The following PDE1C variants were observed in gnomAD, a reference collection of about 807,000 sequenced individuals.
PDE1C encodes phosphodiesterase 1C, also known as dual specificity calcium/calmodulin-dependent 3',5'-cyclic nucleotide phosphodiesterase 1C.
PDE1C carries 62 observed loss-of-function variants against 93.1 expected under a neutral mutation model. That is an observed-to-expected ratio of 0.67 (90% CI 0.54 to 0.82). PDE1C has a LOEUF of 0.82. PDE1C is among the 40% of genes least tolerant of loss of function. The pLI, the probability that PDE1C is intolerant of heterozygous loss-of-function variation, is 0.00. For synonymous variants in PDE1C, 325 were observed against 310.1 expected (o/e 1.05, Z -0.50); for missense variants, 742 against 884.6 (o/e 0.84, Z 2.04).
At chr7:32,319,106 G>A (rs531456961) in intron 1 of PDE1C, among the ~76,000 whole-genome samples, 137 of 152,330 alleles carry the variant, frequency 9.0e-4, no homozygotes, top group Non-Finnish European at 1.7e-3. Flanking sequence ...GCCGTCACCC[G>A]GGAGCTGCAG....
rs145493270 is a variant in PDE1C at position 31,975,829 on chromosome 7, T to C, written c.128+75725A>G. On this transcript the variant is annotated intron_variant, in intron 2 of 17. Transcript: ENST00000396191. ...TCACTTCCTTACTTAGGTTGTTGGTTCGATAATTGATATTACTGAATACCA... is the reference window on the plus strand; with the variant it reads ...TCACTTCCTTACTTAGGTTGTTGGTCCGATAATTGATATTACTGAATACCA... Among the ~76,000 whole-genome samples, 315 of 152,306 alleles carry C rather than the reference T, an allele frequency of 2.1e-3. 1 individual carries two copies. The highest frequency in any genetic ancestry group is 3.9e-3 in the Non-Finnish European group (262 of 68,030).
the PDE1C span, among the ~76,000 whole-genome samples, chr7:31,660,100 C>T: frequency 6.6e-6 from 1 of 152,130 alleles, no homozygotes; most frequent in South Asian, 2.1e-4. Flanking sequence ...GACATGTTTG[C>T]TTCACCTTCC....
intron 1 of PDE1C, among the ~76,000 whole-genome samples, chr7:32,305,770 C>T (rs1812984564): frequency 6.6e-6 from 1 of 152,260 alleles, no homozygotes. Context: ...GCCCATATGG[C>T]ACCTCTGTGA....
intron 2 of PDE1C, among the ~76,000 whole-genome samples, chr7:32,203,176 C>T (rs1805149396): frequency 6.6e-6 from 1 of 150,554 alleles, no homozygotes; most frequent in Admixed American, 6.6e-5. Context: ...CCACCAGCCA[C>T]ACAGTCCCCC....
chr7:31,908,532 T>G lies in PDE1C; in HGVS notation c.129-27672A>C, dbSNP rs1389103266. The stretch of plus-strand genomic sequence containing the variant: ...TTATCAGTGACTGTGCCATGCCACA[T>G]ATATAAAGATGGAAAGTCAAGTCCA... On this transcript the variant is annotated intron_variant, in intron 2 of 17. Coordinates refer to ENST00000396191, the MANE Select transcript of PDE1C (RefSeq NM_001191057.4). 1.3e-5 allele frequency among the ~76,000 whole-genome samples: 2 copies of G among 152,200 alleles called. 1 individual carries two copies. The highest frequency in any genetic ancestry group is 3.9e-4 in the East Asian group (2 of 5,194).
intron 2 of PDE1C, among the ~76,000 whole-genome samples, chr7:32,010,072 G>A (rs192548837): frequency 2.6e-5 from 4 of 152,290 alleles, no homozygotes; most frequent in East Asian, 1.9e-4. Flanking sequence ...GTCAGAAGAC[G>A]TGATATTGTT....
intron 1 of PDE1C, among the ~76,000 whole-genome samples, chr7:32,251,392 C>T (rs1809369801): frequency 6.6e-6 from 1 of 152,200 alleles, no homozygotes; most frequent in Admixed American, 6.5e-5. Context: ...CATCATCTAC[C>T]CGGTTTTCCA....
intron 1 of PDE1C, among the ~76,000 whole-genome samples, chr7:32,216,964 C>T (rs1390506065): frequency 6.6e-6 from 1 of 152,130 alleles, no homozygotes; most frequent in East Asian, 1.9e-4. Flanking sequence ...GGGGCGGTCA[C>T]CCGCCTGGCC....
intron 1 of PDE1C, among the ~76,000 whole-genome samples, chr7:32,051,797 T>A (rs1793418704): frequency 6.6e-6 from 1 of 152,136 alleles, no homozygotes; most frequent in Non-Finnish European, 1.5e-5. Flanking sequence ...AAAAATAGCA[T>A]CCCAAGAGCT....
intron 3 of PDE1C, among the ~76,000 whole-genome samples, chr7:32,138,141 C>A (rs1800312033): frequency 6.6e-6 from 1 of 152,008 alleles, no homozygotes; most frequent in African/African-American, 2.4e-5. Context: ...AATCAGGAGT[C>A]CTGGGTTCAA....
At chr7:32,006,846 A>G (rs574021416) in intron 2 of PDE1C, among the ~76,000 whole-genome samples, 6 of 152,314 alleles carry the variant, frequency 3.9e-5, no homozygotes, top group African/African-American at 1.4e-4. Context: ...TGCTCCATCT[A>G]TGGAGTCACC....
chr7:31,942,047 C>T (rs1400968529), intron 2 of PDE1C, among the ~76,000 whole-genome samples: 5 of 152,154 alleles, frequency 3.3e-5, no homozygotes, highest in Admixed American at 3.3e-4. Context: ...GGTACCTACT[C>T]ACATGAATAT....
At chr7:32,020,716 G>T (rs1048482765) in intron 2 of PDE1C, among the ~76,000 whole-genome samples, 3 of 152,006 alleles carry the variant, frequency 2.0e-5, no homozygotes, top group Admixed American at 6.6e-5. Context: ...TTCAAACAAG[G>T]CCCAAAAGAG....
intron 1 of PDE1C, among the ~76,000 whole-genome samples, chr7:32,279,662 TAAAGG>T (rs1811501144): frequency 6.6e-6 from 1 of 151,192 alleles, no homozygotes; most frequent in South Asian, 2.1e-4. Flanking sequence ...AAAGAAAACA[TAAAGG>T]AAAGAGCAAC....
At chr7:32,298,217 T>C (rs1466224635) in intron 1 of PDE1C, among the ~76,000 whole-genome samples, 2 of 151,920 alleles carry the variant, frequency 1.3e-5, no homozygotes, top group African/African-American at 4.8e-5. Flanking sequence ...TCCCCGTGTC[T>C]GGATGTTCCT....
chr7:31,949,688 G>C (rs750828548), intron 2 of PDE1C, among the ~76,000 whole-genome samples: 28 of 152,100 alleles, frequency 1.8e-4, no homozygotes, highest in Non-Finnish European at 3.7e-4. Flanking sequence ...CTGTCCTCTG[G>C]ATTGAGAGCT....
intron 3 of PDE1C, among the ~76,000 whole-genome samples, chr7:32,101,562 C>G (rs534458850): frequency 2.0e-5 from 3 of 152,066 alleles, no homozygotes; most frequent in African/African-American, 4.8e-5. Context: ...TATAAAAGAG[C>G]CTTATACAAC....
intron 17 of PDE1C, among the ~76,000 whole-genome samples, chr7:31,754,781 G>A (rs991010322): frequency 1.3e-5 from 2 of 152,162 alleles, no homozygotes. Flanking sequence ...AATTTCTAGG[G>A]CAGTGAAACT....
intron 3 of PDE1C, among the ~76,000 whole-genome samples, chr7:32,123,839 T>TCC (rs1799429711): frequency 6.6e-6 from 1 of 152,174 alleles, no homozygotes; most frequent in Non-Finnish European, 1.5e-5. Flanking sequence ...CAACGCAGTA[T>TCC]TGGAAGTTCT....
Sources: gnomAD v4.1 joint callset for allele counts (sites outside exome capture counted in the v4.1 genomes callset) on GRCh38, gnomAD v4.1.1 for gene constraint, MANE v1.5 for transcripts, NCBI Gene and HGNC (gene_info 2026-07-23, HGNC 2026-07-21) for gene names.